Variants in UQCRC1 observed in about 807,000 individuals in gnomAD.
The protein encoded by UQCRC1 is ubiquinol-cytochrome c reductase core protein 1, also known as cytochrome b-c1 complex subunit 1, mitochondrial.
Under a neutral mutation model 58.0 loss-of-function variants are expected in UQCRC1, and 34 were observed. That is an observed-to-expected ratio of 0.59 (90% CI 0.45 to 0.78). UQCRC1 has a LOEUF of 0.78. UQCRC1 is among the 30% of genes least tolerant of loss of function. The pLI is 0.00. For missense variants in UQCRC1, 610 were observed against 646.0 expected, an observed-to-expected ratio of 0.94 and a Z score of 0.60; for synonymous variants, 276 against 248.8, an observed-to-expected ratio of 1.11 and a Z score of -1.03.
intron 3 of UQCRC1, among the ~76,000 whole-genome samples, chr3:48,605,532 A>C (rs2046403617): frequency 1.3e-5 from 2 of 152,182 alleles, no homozygotes; most frequent in Admixed American, 6.5e-5. Flanking sequence ...TTCTCTGGTG[A>C]AAAGTGGGGC....
chr3:48,603,725 G>T, intron 5 of UQCRC1, 82 bp from the exon 6 acceptor site: 1 of 1,294,308 alleles, frequency 7.7e-7, no homozygotes, highest in Non-Finnish European at 1.1e-6. Flanking sequence ...GACTGAGGAG[G>T]CAGACTAGGA....
intron 5 of UQCRC1, 115 bp downstream of exon 5, chr3:48,604,118 T>C (rs984482486): frequency 9.7e-6 from 11 of 1,132,064 alleles, no homozygotes; most frequent in East Asian, 7.1e-5. Flanking sequence ...TGTCTCCAGT[T>C]GCATAACTCA....
rs1235762655 is a variant in UQCRC1, at chr3:48,599,143, G to C, written c.1428C>G (p.Phe476Leu). 3 of 1,612,202 alleles carry C rather than the reference G, an allele frequency of 1.9e-6. No individual in the cohort carries two copies. The highest frequency in any genetic ancestry group is 2.5e-6 in the Non-Finnish European group (3 of 1,178,916). ...PDYNRIRSGM[F>L]WLRF ...GGCTTCCCGCCTAGAAGCGCAGCCA[G>C]AACATGCCGCTACGGATCCGGTTGT... The change falls in exon 13 of 13, where the codon TTC (phenylalanine) becomes TTG (leucine). Residue 476 changes from phenylalanine (F) to leucine (L), a missense_variant. Coordinates refer to ENST00000203407, the MANE Select transcript of UQCRC1 (RefSeq NM_003365.3).
chr3:48,603,699 G>T, intron 5 of UQCRC1, 56 bp from the exon 6 acceptor site: 1 of 1,525,412 alleles, frequency 6.6e-7, no homozygotes, highest in Non-Finnish European at 9.0e-7. Context: ...GTGAGTTGGG[G>T]TACATGCATG....
At chr3:48,601,571 G>A in intron 6 of UQCRC1, 104 bp from the exon 7 acceptor site, 1 of 985,022 alleles carries the variant, frequency 1.0e-6, no homozygotes, top group Non-Finnish European at 1.6e-6. Flanking sequence ...CTTAGTGGGA[G>A]AAACCAGGAG....
rs1431431500 is a variant in UQCRC1, at chr3:48,600,129, G to A, written c.1236C>T (p.Asp412=). 1.9e-6 allele frequency: 3 copies of A among 1,613,984 alleles called. No homozygotes were observed. The African/African-American group carries it at 4.0e-5, about 22-fold the overall frequency. The part of the protein sequence containing the change: ...HLDGTTPVCE[D]IGRSLLTYGR... ...CATAGGTCAGGAGGCTGCGTCCGAT[G>A]TCCTCACACACAGGAGTAGTGCCTT... Residue 412 remains aspartate, a synonymous_variant, in exon 11 of 13, where the codon GAC becomes GAT. Coordinates refer to ENST00000203407, the MANE Select transcript of UQCRC1 (RefSeq NM_003365.3).
chr3:48,600,520 T>G lies in UQCRC1; in HGVS notation c.1175A>C (p.Lys392Thr). The G allele has an allele frequency of 6.2e-7, 1 of 1,614,134 alleles. No individual in the cohort carries two copies. The highest frequency in any genetic ancestry group is 8.5e-7 in the Non-Finnish European group (1 of 1,180,022). The change falls in exon 10 of 13, where the codon AAA becomes ACA. Residue 392 changes from lysine (K) to threonine (T), a missense_variant. Transcript: ENST00000203407. ...TACCAGGGCATTTCTGAGGATGTTT[T>G]TGCCCCGGGCCACCTCACTCTCCGT... Reference protein sequence around the residue: ...SATESEVARGKNILRNALVSH... With the variant: ...SATESEVARGTNILRNALVSH...
chr3:48,602,331 G>A (rs556062136), intron 6 of UQCRC1, among the ~76,000 whole-genome samples: 4 of 152,180 alleles, frequency 2.6e-5, no homozygotes, highest in East Asian at 1.9e-4. Flanking sequence ...GATTACAGGC[G>A]TGAGCCACCG....
At chr3:48,601,543 A>C in intron 6 of UQCRC1, 76 bp from the exon 7 acceptor site, 2 of 1,368,402 alleles carry the variant, frequency 1.5e-6, no homozygotes, top group Non-Finnish European at 2.1e-6. Flanking sequence ...AGACAGGCAG[A>C]GGACCCCCAT....
chr3:48,599,264 C>A, intron 12 of UQCRC1, 72 bp from the exon 13 acceptor site: 2 of 1,483,082 alleles, frequency 1.3e-6, no homozygotes, highest in Non-Finnish European at 1.8e-6. Context: ...TGTGCCGCAC[C>A]CAGCTCGGAG....
At chr3:48,601,648 A>G (rs933770828) in intron 6 of UQCRC1, among the ~76,000 whole-genome samples, 181 bp from the exon 7 acceptor site, 5 of 152,240 alleles carry the variant, frequency 3.3e-5, no homozygotes, top group African/African-American at 1.2e-4. Flanking sequence ...TGTGGACAGG[A>G]CAGGCACCTC....
At chr3:48,599,753 G>GCCA (rs770135087) in intron 11 of UQCRC1, 43 bp from the exon 12 acceptor site, 20 of 1,591,662 alleles carry the variant, frequency 1.3e-5, no homozygotes, top group Non-Finnish European at 1.6e-5. Flanking sequence ...CGGGCACCTG[G>GCCA]CCACCACCTC....
Position 48,604,310 on chromosome 3 carries a change from G to A in UQCRC1, c.549C>T (p.Val183=). ...QENDASMRDV[V]FNYLHATAFQ... is the part of the protein sequence containing the mutation. ...ATGCTGTGGCATGCAGGTAGTTAAA[G>A]ACCACATCTCGCATAGATGCATCAT... Residue 183 remains valine, a synonymous_variant, in exon 5 of 13, where the codon GTC becomes GTT. Coordinates refer to ENST00000203407, the MANE Select transcript of UQCRC1 (RefSeq NM_003365.3). 1.2e-6 allele frequency: 2 copies of A among 1,614,006 alleles called. No individual in the cohort carries two copies. The highest frequency in any genetic ancestry group is 1.7e-6 in the Non-Finnish European group (2 of 1,180,048).
At chr3:48,609,418 C>T (rs1403545953) in intron 1 of UQCRC1, 116 bp from the exon 2 acceptor site, 2 of 1,509,186 alleles carry the variant, frequency 1.3e-6, no homozygotes, top group East Asian at 2.5e-5. Context: ...ATACCTTTCC[C>T]CGCCCTCCGC....
At position 48,599,078 on chromosome 3, in the gene UQCRC1, G is replaced by T; in HGVS notation, c.*50C>A. 1 of 1,599,080 alleles carries T rather than the reference G, an allele frequency of 6.3e-7. No homozygotes were observed. The highest frequency in any genetic ancestry group is 8.6e-7 in the Non-Finnish European group (1 of 1,168,904). ...CCGAAGTGCTGTGTTTGTGGTGGGGGGGGGACCACAAACCCCGGCCCTGCC... is the reference window on the plus strand; with the variant it reads ...CCGAAGTGCTGTGTTTGTGGTGGGGTGGGGACCACAAACCCCGGCCCTGCC... On this transcript the variant is annotated 3_prime_UTR_variant, in exon 13 of 13. Coordinates refer to ENST00000203407, the MANE Select transcript of UQCRC1 (RefSeq NM_003365.3).
At chr3:48,604,533 T>C (rs1159516537) in intron 4 of UQCRC1, 102 bp from the exon 5 acceptor site, 1 of 1,585,166 alleles carries the variant, frequency 6.3e-7, no homozygotes, top group Non-Finnish European at 8.6e-7. Context: ...CACCCCTAGT[T>C]GCCCAGCTGC....
At chr3:48,599,378 C>T (rs2046340715) in intron 12 of UQCRC1, 186 bp from the exon 13 acceptor site, 1 of 750,420 alleles carries the variant, frequency 1.3e-6, no homozygotes, top group Non-Finnish European at 2.1e-6. Flanking sequence ...CCCTTGAAGC[C>T]CCACCCCACA....
chr3:48,607,466 CGCCCA>C (rs2046424849), intron 2 of UQCRC1, among the ~76,000 whole-genome samples: 1 of 152,134 alleles, frequency 6.6e-6, no homozygotes. Flanking sequence ...TGAGCCACTG[CGCCCA>C]GCCAAGACTT....
In UQCRC1 at chr3:48,600,838, G is replaced by C. The variant is rs551263187; in HGVS notation, c.969C>G (p.His323Gln). 1 of 1,613,884 alleles carries C rather than the reference G, an allele frequency of 6.2e-7. No individual in the cohort carries two copies. The highest frequency in any genetic ancestry group is 8.5e-7 in the Non-Finnish European group (1 of 1,180,018). The change falls in exon 9 of 13, where the codon CAC (histidine) becomes CAG (glutamine). Residue 323 changes from histidine (H) to glutamine (Q), a missense_variant and splice_region_variant. Coordinates refer to ENST00000203407, the MANE Select transcript of UQCRC1 (RefSeq NM_003365.3). ...HYDCTYGGGV[H>Q]LSSPLASGAV... ...CACCTGAAGCCAGTGGGCTGGACAG[G>C]TGCTGCCAGGGGGATAGGTGGTCAG...
Sources: gnomAD v4.1 joint callset for allele counts (sites outside exome capture counted in the v4.1 genomes callset) on GRCh38, gnomAD v4.1.1 for gene constraint, MANE v1.5 for transcripts, NCBI Gene and HGNC (gene_info 2026-07-23, HGNC 2026-07-21) for gene names.